Variants in AURKC observed in about 807,000 individuals in gnomAD.
AURKC encodes aurora kinase C.
In AURKC, 15 loss-of-function variants were observed where a neutral mutation model predicts 29.2. The observed-to-expected ratio is 0.51, with a 90% CI of 0.34 to 0.79. The LOEUF is 0.79. Ranked by LOEUF, AURKC falls within the 30% of genes least tolerant of loss-of-function variation. The probability of loss-of-function intolerance (pLI) is 0.01; values close to 1 mark genes in which losing one functional copy is unlikely to be tolerated. For synonymous variants in AURKC, 150 were observed against 149.9 expected (o/e 1.00, Z -0.01); for missense variants, 332 against 383.2 (o/e 0.87, Z 1.12).
chr19:57,231,883 G>T, intron 2 of AURKC, 96 bp downstream of exon 2: 11 of 1,608,370 alleles, frequency 6.8e-6, no homozygotes, highest in Non-Finnish European at 8.5e-6. Context: ...TCCTGGGAAC[G>T]AGAACTACTG....
At position 57,235,063 on chromosome 19, in the gene AURKC, G is replaced by C; in HGVS notation, c.759+5G>C. 1 of 1,614,130 alleles carries C rather than the reference G, an allele frequency of 6.2e-7. No homozygotes were observed. The highest frequency in any genetic ancestry group is 1.1e-5 in the South Asian group (1 of 91,070). On this transcript the variant is annotated splice_donor_5th_base_variant and intron_variant, in intron 6 of 6. Coordinates refer to ENST00000302804, the MANE Select transcript of AURKC (RefSeq NM_001015878.2). ...ACTTACAGACGCATCCTCAAGGTGG[G>C]ACAGTCACCTTTGGGCATTCATGGG...
At position 57,231,266 on chromosome 19, in the gene AURKC, T is replaced by C; in HGVS notation, c.18T>C (p.Ala6=). 5.2e-6 allele frequency: 8 copies of C among 1,552,406 alleles called. No homozygotes were observed. The highest frequency in any genetic ancestry group is 7.0e-6 in the Non-Finnish European group (8 of 1,147,364). Residue 6 remains alanine, a synonymous_variant, in exon 1 of 7, where the codon GCT becomes GCC. Transcript: ENST00000302804. ...TTCTCCCCATGAGCTCCCCCAGAGC[T>C]GTGGTGCAGCTGGGCAAAGCTCAAC... MSSPR[A]VVQLGKAQPA...
chr19:57,231,580 C>T lies in AURKC; in HGVS notation c.59-162C>T, dbSNP rs2087490641. On this transcript the variant is annotated intron_variant, in intron 1 of 6. Coordinates refer to ENST00000302804, the MANE Select transcript of AURKC (RefSeq NM_001015878.2). ...TCTTCTTCCCCTTACCTCTCCCTCC[C>T]CCTCTCCCTGCCTTCCCCTTCCCTC... 24 of 819,500 alleles carry T rather than the reference C, an allele frequency of 2.9e-5. No homozygotes were observed. The Admixed American group carries it at 4.8e-4, about 17-fold the overall frequency. 50.8% of individuals were successfully genotyped at this position (819,500 alleles called of 1,614,324 possible).
Position 57,232,832 on chromosome 19 carries a change from C to A in AURKC, c.435+152C>A. 2 of 1,023,854 alleles carry A rather than the reference C, an allele frequency of 2.0e-6. No homozygotes were observed. Among genetic ancestry groups the A allele is most frequent in the Non-Finnish European group, 2.9e-6 (2 of 680,638 alleles). The allele number at this position is 1,023,854 out of a possible 1,614,324, so 63.4% of individuals were successfully genotyped here. Reference sequence around the variant, plus strand: ...AATTTAATATAATGGCACGTATGTTCTACAGCTTTATCCTTGGATACCCTA... The same window carrying A: ...AATTTAATATAATGGCACGTATGTTATACAGCTTTATCCTTGGATACCCTA... On this transcript the variant is annotated intron_variant, in intron 4 of 6. Transcript: ENST00000302804. This position sits in a 1 kb window ranked among gnomAD's most constrained non-coding sequence, Gnocchi z 4.5.
chr19:57,234,077 G>A (rs1280219272), intron 5 of AURKC, among the ~76,000 whole-genome samples: 11 of 111,072 alleles, frequency 9.9e-5, no homozygotes, highest in Admixed American at 8.2e-4. Context: ...TTTTTTTTGA[G>A]ACAGAGTTTT....
chr19:57,233,620 G>A lies in AURKC; in HGVS notation c.584+12G>A, dbSNP rs1190824940. On this transcript the variant is annotated intron_variant, in intron 5 of 6. Transcript: ENST00000302804. ...ACCCCCTCCCTGAGGTAGGTCAGGT[G>A]GTGGTGGTAGGGTGAGTTCTGAGTA... 6.2e-7 allele frequency: 1 copy of A among 1,613,354 alleles called. No homozygotes were observed. Among genetic ancestry groups the A allele is most frequent in the South Asian group, 1.1e-5 (1 of 91,040 alleles).
chr19:57,235,253 G>T lies in AURKC; in HGVS notation c.766G>T (p.Val256Leu), dbSNP rs2087534964. Residue 256 changes from valine to leucine, a missense_variant, in exon 7 of 7, where the codon GTG (valine) becomes TTG (leucine). Val to Leu is a conservative substitution (Grantham distance 32, BLOSUM62 1). Transcript: ENST00000302804. ...TCTTTCCTGGCCTCATCAGGTAGAT[G>T]TGAGGTTTCCACTATCAATGCCTCT... Reference protein sequence around the residue: ...ETYRRILKVDVRFPLSMPLGA... With the variant: ...ETYRRILKVDLRFPLSMPLGA... 1.9e-6 allele frequency: 3 copies of T among 1,614,220 alleles called. No individual in the cohort carries two copies. The highest frequency in any genetic ancestry group is 2.5e-6 in the Non-Finnish European group (3 of 1,180,032).
At chr19:57,231,940 C>T in intron 2 of AURKC, 93 bp from the exon 3 acceptor site, 1 of 1,601,726 alleles carries the variant, frequency 6.2e-7, no homozygotes, top group Non-Finnish European at 8.6e-7. Context: ...AGGAAGGATA[C>T]AATGAAAGAG....
Position 57,232,488 on chromosome 19 carries a change from A to G in AURKC, c.297-54A>G. 1.2e-6 allele frequency: 2 copies of G among 1,613,410 alleles called. No individual in the cohort carries two copies. The highest frequency in any genetic ancestry group is 2.2e-5 in the East Asian group (1 of 44,878). On this transcript the variant is annotated intron_variant, in intron 3 of 6. Transcript: ENST00000302804. This position sits in a 1 kb window ranked among gnomAD's most constrained non-coding sequence, Gnocchi z 4.5. ...TGTGTGACCAGGCAGTGACGGTGGC[A>G]TCATATGATAGGCCTCAGGGAGAAA...
Position 57,231,063 on chromosome 19 carries a change from C to T in AURKC, c.-186C>T. ...GGTATAAAAGAAGGCCGCGCAGCCA[C>T]GGCTGCTCACGACGCCGCGGATCCC... is the stretch of plus-strand genomic sequence containing the variant. On this transcript the variant is annotated 5_prime_UTR_variant, in exon 1 of 7. In the 5' UTR this introduces an upstream ATG that the reference lacks. Transcript: ENST00000302804. 4 of 1,398,272 alleles carry T rather than the reference C, an allele frequency of 2.9e-6. No individual in the cohort carries two copies. The highest frequency in any genetic ancestry group is 1.2e-5 in the South Asian group (1 of 80,870). 86.6% of individuals were successfully genotyped at this position (1,398,272 alleles called of 1,614,324 possible).
intron 5 of AURKC, 144 bp from the exon 6 acceptor site, chr19:57,234,740 A>G (rs530775092): frequency 1.2e-6 from 1 of 863,696 alleles, no homozygotes; most frequent in East Asian, 2.7e-5. Context: ...CATATTAAAA[A>G]TTTGTCTCTC....
chr19:57,231,248 C>T lies in AURKC; in HGVS notation c.-1C>T, dbSNP rs774746946. The T allele has an allele frequency of 3.9e-6, 6 of 1,551,928 alleles. No individual in the cohort carries two copies. The African/African-American group carries it at 6.8e-5, about 18-fold the overall frequency. On this transcript the variant is annotated 5_prime_UTR_variant, in exon 1 of 7. Coordinates refer to ENST00000302804, the MANE Select transcript of AURKC (RefSeq NM_001015878.2). Reference sequence around the variant, plus strand: ...CGTCCGCGCCCTCACCTCTTCTCCCCATGAGCTCCCCCAGAGCTGTGGTGC... The same window carrying T: ...CGTCCGCGCCCTCACCTCTTCTCCCTATGAGCTCCCCCAGAGCTGTGGTGC...
At chr19:57,231,693 C>T in intron 1 of AURKC, 49 bp from the exon 2 acceptor site, 1 of 1,606,494 alleles carries the variant, frequency 6.2e-7, no homozygotes, top group Non-Finnish European at 8.5e-7. Context: ...CTCCCCTTCT[C>T]CTTCCCTCCC....
chr19:57,233,669 A>G lies in AURKC; in HGVS notation c.584+61A>G, dbSNP rs1226144546. The G allele has an allele frequency of 2.5e-6, 4 of 1,606,248 alleles. No individual in the cohort carries two copies. The African/African-American group carries it at 5.4e-5, about 21-fold the overall frequency. ...TACCAGTTAGGAATGACCCAGTTTA[A>G]TGTATTTCATGTGTCCATGTGTAAA... On this transcript the variant is annotated intron_variant, in intron 5 of 6. Coordinates refer to ENST00000302804, the MANE Select transcript of AURKC (RefSeq NM_001015878.2).
chr19:57,232,744 TTG>T lies in AURKC; in HGVS notation c.435+67_435+68del. The T allele has an allele frequency of 6.2e-7, 1 of 1,608,952 alleles. No individual in the cohort carries two copies. The highest frequency in any genetic ancestry group is 8.5e-7 in the Non-Finnish European group (1 of 1,178,186). On this transcript the variant is annotated intron_variant, in intron 4 of 6. Coordinates refer to ENST00000302804, the MANE Select transcript of AURKC (RefSeq NM_001015878.2). This position sits in a 1 kb window ranked among gnomAD's most constrained non-coding sequence, Gnocchi z 4.5. ...TACTGTGGGCTGGTGGGAGCTCTGT[TTG>T]TGGCTGTCAGGAGGGTCCGCATTGC...
At chr19:57,235,131 A>G in intron 6 of AURKC, 73 bp downstream of exon 6, 2 of 1,611,278 alleles carry the variant, frequency 1.2e-6, no homozygotes, top group Non-Finnish European at 1.7e-6. Context: ...GCACACACAC[A>G]CACAGGGTTG....
chr19:57,233,640 T>C (rs1296511165), intron 5 of AURKC, 32 bp downstream of exon 5: 12 of 1,612,818 alleles, frequency 7.4e-6, no homozygotes, highest in Non-Finnish European at 1.0e-5. Flanking sequence ...GGGTGAGTTC[T>C]GAGTACCAGT....
intron 2 of AURKC, 71 bp from the exon 3 acceptor site, chr19:57,231,962 T>C (rs1458443290): frequency 5.2e-5 from 83 of 1,604,334 alleles, no homozygotes; most frequent in Non-Finnish European, 6.7e-5. Context: ...AAGGGGAGCA[T>C]TGGCATCCCT....
In AURKC at chr19:57,233,595, AC is replaced by A; in HGVS notation, c.576del (p.Ser193ProfsTer2). On this transcript the variant is annotated frameshift_variant, in exon 5 of 7. Transcript: ENST00000302804. LOFTEE classifies it high-confidence loss of function. Reference protein sequence around the residue: ...KIADFGWSVHTPSLRRKTMCG... With the variant: ...KIADFGWSVHXPSLRRKTMCG... ...TGCAGATTTTGGCTGGTCTGTGCAC[AC>A]CCCCTCCCTGAGGTAGGTCAGGTGG... 6.2e-7 allele frequency: 1 copy of A among 1,613,496 alleles called. No individual in the cohort carries two copies. The highest frequency in any genetic ancestry group is 8.5e-7 in the Non-Finnish European group (1 of 1,179,916).
Sources: allele counts gnomAD v4.1 joint callset (sites outside exome capture counted in the v4.1 genomes callset), GRCh38; gene constraint gnomAD v4.1.1; non-coding constraint Gnocchi (gnomAD v3.1); transcripts MANE v1.5; gene names NCBI Gene and HGNC (gene_info 2026-07-23, HGNC 2026-07-21).